The following ITCH variants were observed in gnomAD, a reference collection of about 807,000 sequenced individuals.
ITCH encodes E3 ubiquitin-protein ligase Itchy homolog.
Under a neutral mutation model 126.8 loss-of-function variants are expected in ITCH, and 28 were observed. The observed-to-expected ratio is 0.22, with a 90% CI of 0.16 to 0.30. The LOEUF is 0.30. Among genes scored for constraint, ITCH ranks in the 10% least tolerant of loss-of-function variants. The pLI is 1.00. For missense variants in ITCH, 631 were observed against 1,032.4 expected (o/e 0.61, Z 5.33); for synonymous variants, 342 against 340.0 (o/e 1.01, Z -0.06).
At position 34,477,560 on chromosome 20, in the gene ITCH, A is replaced by G. The variant is rs112951794; in HGVS notation, c.1570-212A>G. Reference sequence around the variant, plus strand: ...ATAAATAAATAAAATCACGTGTATAAGGTATATAAAAATATAGATGTATAT... The same window carrying G: ...ATAAATAAATAAAATCACGTGTATAGGGTATATAAAAATATAGATGTATAT... On this transcript the variant is annotated intron_variant, in intron 16 of 24. Transcript: ENST00000374864. Among the ~76,000 whole-genome samples, 521 of 152,200 alleles carry G rather than the reference A, an allele frequency of 3.4e-3. 2 individuals are homozygous for G. The highest frequency in any genetic ancestry group is 0.011 in the African/African-American group (444 of 41,532).
chr20:34,385,208 TGTGTGTGTGTGTGG>T (rs1382263004), intron 2 of ITCH, among the ~76,000 whole-genome samples: 13 of 141,654 alleles, frequency 9.2e-5, no homozygotes, highest in African/African-American at 3.5e-4. Flanking sequence ...TGTGTGTGTG[TGTGTGTGTGTGTGG>T]TTTTTTTTTT....
chr20:34,447,692 G>T (rs1244812828), intron 11 of ITCH, among the ~76,000 whole-genome samples: 1 of 152,174 alleles, frequency 6.6e-6, no homozygotes, highest in Non-Finnish European at 1.5e-5. Context: ...TGTAACTTGG[G>T]CTCAGACCTT....
chr20:34,393,051 T>A (rs184133887), intron 2 of ITCH, among the ~76,000 whole-genome samples: 1 of 152,260 alleles, frequency 6.6e-6, no homozygotes, highest in Admixed American at 6.5e-5. Context: ...GATGGGGTGA[T>A]CATTTTGTGA....
At chr20:34,446,970 A>G (rs984988526) in intron 11 of ITCH, among the ~76,000 whole-genome samples, 1 of 152,194 alleles carries the variant, frequency 6.6e-6, no homozygotes, top group Non-Finnish European at 1.5e-5. Flanking sequence ...TATATTTGGC[A>G]TGTACTGAAT....
chr20:34,489,704 G>C, intron 21 of ITCH, 118 bp from the exon 22 acceptor site: 1 of 786,026 alleles, frequency 1.3e-6, no homozygotes, highest in Non-Finnish European at 2.3e-6. Context: ...ATGTATAGTT[G>C]ATAAGTCAAA....
chr20:34,475,683 G>A (rs560293274), intron 16 of ITCH, among the ~76,000 whole-genome samples: 39 of 151,634 alleles, frequency 2.6e-4, no homozygotes, highest in Middle Eastern at 3.4e-3. Context: ...AGAGGGAGAC[G>A]GGAGAGGCAG....
chr20:34,499,271 G>GTTT (rs1569007842), intron 23 of ITCH, among the ~76,000 whole-genome samples: 2 of 40,836 alleles, frequency 4.9e-5, no homozygotes, highest in Non-Finnish European at 9.5e-5. Flanking sequence ...ACTGTGCCCA[G>GTTT]CTTTTTTTTT....
chr20:34,428,307 T>C (rs950235387), intron 7 of ITCH, among the ~76,000 whole-genome samples: 8 of 152,360 alleles, frequency 5.3e-5, no homozygotes, highest in African/African-American at 1.9e-4. Context: ...ATATATGTAG[T>C]GGACAGGTGC....
intron 2 of ITCH, among the ~76,000 whole-genome samples, chr20:34,388,279 G>A (rs1197088318): frequency 5.3e-5 from 8 of 151,698 alleles, no homozygotes; most frequent in Admixed American, 3.9e-4. Flanking sequence ...TAAATTTTTT[G>A]TAGAGATGGG....
At chr20:34,456,200 ATATATATATATATATTTTTTTTTTTTT>A in intron 12 of ITCH, among the ~76,000 whole-genome samples, 1 of 36,650 alleles carries the variant, frequency 2.7e-5, no homozygotes, top group East Asian at 1.0e-3. Flanking sequence ...ATATATATAT[ATATATATATATATATTTTTTTTTTTTT>A]TTTTTTTTTT....
intron 3 of ITCH, among the ~76,000 whole-genome samples, chr20:34,397,133 C>T (rs1425547720): frequency 6.6e-6 from 1 of 152,096 alleles, no homozygotes; most frequent in Non-Finnish European, 1.5e-5. Context: ...AAGCAGTTCT[C>T]TGCCTCAGCC....
intron 2 of ITCH, among the ~76,000 whole-genome samples, chr20:34,379,508 T>C (rs6141465): frequency 0.52 from 78,774 of 151,784 alleles, 20,734 homozygotes; most frequent in Admixed American, 0.63. Flanking sequence ...CTCCCTGCTC[T>C]GGTAACTACT....
intron 16 of ITCH, among the ~76,000 whole-genome samples, chr20:34,472,024 G>GAT (rs765687040): frequency 1.3e-4 from 20 of 152,074 alleles, no homozygotes; most frequent in African/African-American, 4.3e-4. Context: ...TCTAAAAAAA[G>GAT]ATATATATGA....
intron 19 of ITCH, 135 bp from the exon 20 acceptor site, chr20:34,480,926 TAGAAC>T (rs755552334): frequency 3.7e-6 from 4 of 1,069,244 alleles, no homozygotes. Context: ...AATATGACCT[TAGAAC>T]AGAATCTTAT....
intron 20 of ITCH, among the ~76,000 whole-genome samples, chr20:34,484,057 G>T (rs968934926): frequency 6.6e-6 from 1 of 152,164 alleles, no homozygotes; most frequent in Non-Finnish European, 1.5e-5. Context: ...CCGCCCCCAT[G>T]ATTCAGTTAT....
chr20:34,376,100 T>C (rs1275877460), intron 2 of ITCH, among the ~76,000 whole-genome samples: 1 of 152,130 alleles, frequency 6.6e-6, no homozygotes, highest in African/African-American at 2.4e-5. Context: ...CCAAACAAAT[T>C]ACCACTGTGG....
At chr20:34,449,973 G>C (rs1165104492) in intron 12 of ITCH, among the ~76,000 whole-genome samples, 1 of 152,148 alleles carries the variant, frequency 6.6e-6, no homozygotes, top group Non-Finnish European at 1.5e-5. Context: ...GGGGTTTTAC[G>C]TGATGATGAT....
rs1219369653 is a variant in ITCH, at chr20:34,488,694, C to CAA, written c.2094-571_2094-570insAA. 2.0e-5 allele frequency among the ~76,000 whole-genome samples: 3 copies of CAA among 151,774 alleles called. No homozygotes were observed. In the East Asian group the frequency reaches 5.8e-4, roughly 29 times the overall value. On this transcript the variant is annotated intron_variant, in intron 20 of 24. Transcript: ENST00000374864. ...TATCATTGCACTCCAGCCTGAGTGA[C>CAA]AGAGCGCGACCCTGTCTCAAAAAAC...
intron 8 of ITCH, among the ~76,000 whole-genome samples, chr20:34,439,940 A>G (rs1983516826): frequency 6.6e-6 from 1 of 152,208 alleles, no homozygotes. Context: ...TAGTAATGGG[A>G]CATAGGGGTA....
Sources: allele counts gnomAD v4.1 joint callset (sites outside exome capture counted in the v4.1 genomes callset), GRCh38; gene constraint gnomAD v4.1.1; transcripts MANE v1.5; gene names NCBI Gene and HGNC (gene_info 2026-07-23, HGNC 2026-07-21).